The following KCTD16 variants were observed in gnomAD, a reference collection of about 807,000 sequenced individuals.
KCTD16 encodes the protein BTB/POZ domain-containing protein KCTD16.
Under a neutral mutation model 33.2 loss-of-function variants are expected in KCTD16, and 13 were observed. That is an observed-to-expected ratio of 0.39 (90% confidence interval 0.25 to 0.62). The LOEUF (loss-of-function observed/expected upper bound fraction) is 0.62. Ranked by LOEUF, KCTD16 falls within the 20% of genes least tolerant of loss-of-function variation. The probability of loss-of-function intolerance (pLI) is 0.50; values close to 1 mark genes in which losing one functional copy is unlikely to be tolerated. For missense variants in KCTD16, 441 were observed against 525.1 expected, an observed-to-expected ratio of 0.84 and a Z score of 1.57; for synonymous variants, 197 against 195.3, an observed-to-expected ratio of 1.01 and a Z score of -0.07.
intron 3 of KCTD16, among the ~76,000 whole-genome samples, chr5:144,464,924 T>C (rs1283273279): frequency 1.3e-5 from 2 of 152,174 alleles, no homozygotes; most frequent in Non-Finnish European, 2.9e-5. Context: ...CAAAAATATA[T>C]GCATTTTAAA....
intron 3 of KCTD16, among the ~76,000 whole-genome samples, chr5:144,417,943 A>G (rs983877163): frequency 6.6e-6 from 1 of 152,122 alleles, no homozygotes; most frequent in Non-Finnish European, 1.5e-5. Flanking sequence ...CAGTTCTTAA[A>G]GATGGTGTGT....
rs548450144 is a variant in KCTD16, at chr5:144,356,095, A to C, written c.833-117565A>C. On this transcript the variant is annotated intron_variant, in intron 3 of 3. Coordinates refer to ENST00000512467, the MANE Select transcript of KCTD16 (RefSeq NM_020768.4). Reference sequence around the variant, plus strand: ...TTCCTAAGAAGATTACAAAATTGTTAAGCCAGGGCCATGTTTTGTTCTTAT... The same window carrying C: ...TTCCTAAGAAGATTACAAAATTGTTCAGCCAGGGCCATGTTTTGTTCTTAT... Among the ~76,000 whole-genome samples, 27 of 152,266 alleles carry C rather than the reference A, an allele frequency of 1.8e-4. No homozygotes were observed. The East Asian group carries it at 4.2e-3, about 24-fold the overall frequency.
chr5:144,214,808 A>G (rs1055259641), intron 3 of KCTD16, among the ~76,000 whole-genome samples: 2 of 152,180 alleles, frequency 1.3e-5, no homozygotes, highest in African/African-American at 4.8e-5. Flanking sequence ...ATAATAATGT[A>G]TTCTACTTGG....
intron 3 of KCTD16, among the ~76,000 whole-genome samples, chr5:144,356,266 A>G (rs1751569307): frequency 6.6e-6 from 1 of 152,200 alleles, no homozygotes; most frequent in Admixed American, 6.5e-5. Flanking sequence ...CTCTCTGAAT[A>G]TACAACTCAG....
At chr5:144,217,492 A>G (rs1753600995) in intron 3 of KCTD16, among the ~76,000 whole-genome samples, 1 of 152,200 alleles carries the variant, frequency 6.6e-6, no homozygotes, top group Non-Finnish European at 1.5e-5. Flanking sequence ...CTCCTCTGGG[A>G]CAGAGGGGTA....
rs186371223 is a variant in KCTD16 at position 144,436,345 on chromosome 5, G to A, written c.833-37315G>A. 2.0e-5 allele frequency among the ~76,000 whole-genome samples: 3 copies of A among 152,148 alleles called. No individual in the cohort carries two copies. In the East Asian group the frequency reaches 5.8e-4, roughly 29 times the overall value. On this transcript the variant is annotated intron_variant, in intron 3 of 3. Coordinates refer to ENST00000512467, the MANE Select transcript of KCTD16 (RefSeq NM_020768.4). ...AACAGTGTTAAGCATGCTCCACTTA[G>A]GATTTAATTTTTAGGGACCCTGTAA...
intron 3 of KCTD16, among the ~76,000 whole-genome samples, chr5:144,296,734 G>A (rs754645290): frequency 1.1e-4 from 16 of 151,954 alleles, no homozygotes; most frequent in Admixed American, 3.9e-4. Context: ...GCCTTTAGAA[G>A]CAAATGTTTT....
chr5:144,324,575 T>A (rs4912971), intron 3 of KCTD16, among the ~76,000 whole-genome samples: 176 of 152,104 alleles, frequency 1.2e-3, no homozygotes, highest in African/African-American at 4.1e-3. Context: ...CCATTACTGG[T>A]TATATACCCA....
At chr5:144,350,611 T>C (rs1751394806) in intron 3 of KCTD16, among the ~76,000 whole-genome samples, 2 of 152,194 alleles carry the variant, frequency 1.3e-5, no homozygotes, top group Non-Finnish European at 2.9e-5. Context: ...ATAGAATTAA[T>C]GATAGACATT....
intron 3 of KCTD16, among the ~76,000 whole-genome samples, chr5:144,342,294 C>T (rs548314325): frequency 1.3e-5 from 2 of 152,212 alleles, no homozygotes; most frequent in African/African-American, 4.8e-5. Flanking sequence ...CCTTCACGTC[C>T]CTTGTAAGTT....
At chr5:144,319,030 A>G (rs926283342) in intron 3 of KCTD16, among the ~76,000 whole-genome samples, 1 of 152,154 alleles carries the variant, frequency 6.6e-6, no homozygotes, top group African/African-American at 2.4e-5. Context: ...CAATATTCAA[A>G]TAACTAATGC....
intron 3 of KCTD16, among the ~76,000 whole-genome samples, chr5:144,355,578 G>C (rs967850147): frequency 1.3e-5 from 2 of 152,132 alleles, no homozygotes; most frequent in Non-Finnish European, 2.9e-5. Context: ...TCCGTAAAAT[G>C]GCAGGCAGGG....
At chr5:144,408,996 A>C (rs139186211) in intron 3 of KCTD16, among the ~76,000 whole-genome samples, 1 of 152,058 alleles carries the variant, frequency 6.6e-6, no homozygotes, top group Non-Finnish European at 1.5e-5. Context: ...TTACCAGTCT[A>C]TTGTCTATCT....
chr5:144,206,830 G>A lies in KCTD16; in HGVS notation c.116G>A (p.Arg39His), dbSNP rs191919061. The stretch of plus-strand genomic sequence containing the variant: ...GTCGGGGGTCAAGTTTATTTTACTC[G>A]CCATTCCACATTGATAAGCATCCCT... The part of the protein sequence containing the change: ...LNVGGQVYFT[R>H]HSTLISIPHS... Residue 39 changes from arginine (R) to histidine (H), a missense_variant, in exon 3 of 4, where the codon CGC becomes CAC. Arg to His is a conservative substitution (Grantham distance 29). Around this residue, in one of 3 missense-constraint regions of KCTD16, gnomAD observed 80 missense variants for 88.5 expected, o/e 0.90. Coordinates refer to ENST00000512467, the MANE Select transcript of KCTD16 (RefSeq NM_020768.4). 28 of 1,614,048 alleles carry A rather than the reference G, an allele frequency of 1.7e-5. No homozygotes were observed. The East Asian group carries it at 2.7e-4, about 15-fold the overall frequency.
intron 3 of KCTD16, among the ~76,000 whole-genome samples, chr5:144,330,764 A>G (rs575989664): frequency 6.6e-6 from 1 of 152,330 alleles, no homozygotes; most frequent in African/African-American, 2.4e-5. Flanking sequence ...TGAAGCTCAC[A>G]TCCAAGGTAG....
chr5:144,229,913 G>A (rs893259055), intron 3 of KCTD16, among the ~76,000 whole-genome samples: 4 of 152,138 alleles, frequency 2.6e-5, no homozygotes, highest in African/African-American at 7.2e-5. Context: ...AGGCCGAGGC[G>A]GGCTAATCAC....
intron 3 of KCTD16, among the ~76,000 whole-genome samples, chr5:144,375,021 A>G (rs1378484607): frequency 2.0e-5 from 3 of 152,286 alleles, no homozygotes; most frequent in East Asian, 3.9e-4. Context: ...AACATCTCTT[A>G]GGTCAGTTGT....
At chr5:144,300,199 A>G (rs1751391894) in intron 3 of KCTD16, among the ~76,000 whole-genome samples, 1 of 152,192 alleles carries the variant, frequency 6.6e-6, no homozygotes, top group Admixed American at 6.5e-5. Flanking sequence ...CAAAAGAGAT[A>G]TAGACGTATT....
At chr5:144,181,540 A>G (rs541152933) in intron 2 of KCTD16, among the ~76,000 whole-genome samples, 1 of 152,346 alleles carries the variant, frequency 6.6e-6, no homozygotes, top group East Asian at 1.9e-4. Context: ...TCAGTGGATG[A>G]TTGAATAAAA....
Sources: gnomAD v4.1 joint callset for allele counts (sites outside exome capture counted in the v4.1 genomes callset) on GRCh38, gnomAD v4.1.1 for gene constraint, gnomAD v4.1.1 regional missense constraint, MANE v1.5 for transcripts, NCBI Gene and HGNC (gene_info 2026-07-23, HGNC 2026-07-21) for gene names.